Variants in TOMM20L observed in about 807,000 individuals in gnomAD.
The protein encoded by TOMM20L is translocase of outer mitochondrial membrane 20 like.
In TOMM20L, 19 loss-of-function variants were observed where a neutral mutation model predicts 20.4. That is an observed-to-expected ratio of 0.93 (90% CI 0.65 to 1.36). The LOEUF (loss-of-function observed/expected upper bound fraction) is 1.36, where lower values mean the gene tolerates loss of function less well. Ranked by LOEUF, TOMM20L falls within the 40% of genes most tolerant of loss-of-function variation. The probability of loss-of-function intolerance (pLI) is 0.00; values close to 1 mark genes in which losing one functional copy is unlikely to be tolerated. For missense variants in TOMM20L, 218 were observed against 203.7 expected (o/e 1.07, Z -0.43); for synonymous variants, 75 against 79.6 (o/e 0.94, Z 0.30).
intron 1 of TOMM20L, 90 bp from the exon 2 acceptor site, chr14:58,396,208 G>T: frequency 1.3e-6 from 2 of 1,564,656 alleles, no homozygotes; most frequent in South Asian, 1.2e-5. Flanking sequence ...CTGCCGAGGG[G>T]CCCGCGGCGC....
intron 3 of TOMM20L, among the ~76,000 whole-genome samples, chr14:58,405,721 G>A (rs2036049019): frequency 6.6e-6 from 1 of 152,048 alleles, no homozygotes; most frequent in Non-Finnish European, 1.5e-5. Context: ...TGGCCAGGCT[G>A]GTCTCGAACT....
At chr14:58,404,099 G>GTGTGTATGTATATATATATATATATA (rs1408980666) in intron 3 of TOMM20L, among the ~76,000 whole-genome samples, 2 of 22,928 alleles carry the variant, frequency 8.7e-5, no homozygotes, top group Non-Finnish European at 1.7e-4. Flanking sequence ...ACATATATAT[G>GTGTGTATGTATATATATATATATATA]TATATATATA....
chr14:58,414,747 A>AG, the TOMM20L span, among the ~76,000 whole-genome samples: 1 of 151,314 alleles, frequency 6.6e-6, no homozygotes, highest in Non-Finnish European at 1.5e-5. Context: ...AAAAAAAAAA[A>AG]AAAAGAAAAA....
the TOMM20L span, among the ~76,000 whole-genome samples, chr14:58,414,875 C>A: frequency 6.6e-6 from 1 of 152,136 alleles, no homozygotes; most frequent in Non-Finnish European, 1.5e-5. Flanking sequence ...CACAGGGAGC[C>A]TGGCTTTCCA....
downstream of TOMM20L, chr14:58,408,784 A>G (rs1412413193): frequency 2.9e-6 from 2 of 687,386 alleles, no homozygotes; most frequent in Non-Finnish European, 4.7e-6. Flanking sequence ...CAAGTGACCA[A>G]GCTGCTGAAT....
At chr14:58,408,376 C>T (rs1163905715) in intron 4 of TOMM20L, 153 bp from the exon 5 acceptor site, 8 of 625,158 alleles carry the variant, frequency 1.3e-5, no homozygotes, top group East Asian at 2.9e-5. Context: ...GAGATTGTGC[C>T]GTTGCACTCC....
chr14:58,411,086 G>T, downstream of TOMM20L: 2 of 594,584 alleles, frequency 3.4e-6, no homozygotes, highest in Non-Finnish European at 5.9e-6. Context: ...GGTACAGTAT[G>T]ATCTACAGAA....
At chr14:58,402,350 G>A (rs2036002759) in intron 2 of TOMM20L, among the ~76,000 whole-genome samples, 2 of 151,594 alleles carry the variant, frequency 1.3e-5, no homozygotes, top group South Asian at 4.2e-4. Flanking sequence ...GTGCAATGGT[G>A]TGATCTTGGC....
intron 2 of TOMM20L, 47 bp downstream of exon 2, chr14:58,396,388 G>T (rs1224259476): frequency 6.2e-7 from 1 of 1,606,808 alleles, no homozygotes; most frequent in Non-Finnish European, 8.5e-7. Context: ...ACGCAGGTCC[G>T]GGCTCGCTGG....
rs1325681792 is a variant in TOMM20L at position 58,404,135 on chromosome 14, TTTTTTTTTTTTG to T, written c.262+1375_262+1386del. 3.1e-4 allele frequency among the ~76,000 whole-genome samples: 2 copies of T among 6,418 alleles called. 1 individual carries two copies. Among genetic ancestry groups the T allele is most frequent in the Non-Finnish European group, 1.2e-3 (2 of 1,716 alleles). 4.2% of individuals were successfully genotyped at this position (6,418 alleles called of 152,430 possible). ...TATATATATATTTTTTTTTTTTTTTTTTTTTTTTTTTGGAGACGGAGTCTCGCTCTGTCGCCC... is the reference window on the plus strand; with the variant it reads ...TATATATATATTTTTTTTTTTTTTTTGAGACGGAGTCTCGCTCTGTCGCCC... On this transcript the variant is annotated intron_variant, in intron 3 of 4. Transcript: ENST00000360945.
At chr14:58,410,032 AT>A (rs1348472834), downstream of TOMM20L, among the ~76,000 whole-genome samples, 4 of 151,490 alleles carry the variant, frequency 2.6e-5, no homozygotes, top group Non-Finnish European at 5.9e-5. Flanking sequence ...CGCCTGGCTA[AT>A]TTTTCATTTT....
At chr14:58,403,992 C>G (rs1309448578) in intron 3 of TOMM20L, among the ~76,000 whole-genome samples, 1 of 141,514 alleles carries the variant, frequency 7.1e-6, no homozygotes, top group African/African-American at 2.6e-5. Flanking sequence ...GGTGTTAAAC[C>G]CTGGAAAGGA....
chr14:58,407,487 A>T lies in TOMM20L; in HGVS notation c.405+19A>T. The T allele has an allele frequency of 1.2e-6, 2 of 1,605,216 alleles. No homozygotes were observed. Among genetic ancestry groups the T allele is most frequent in the Non-Finnish European group, 1.7e-6 (2 of 1,176,482 alleles). On this transcript the variant is annotated intron_variant, in intron 4 of 4. Coordinates refer to ENST00000360945, the MANE Select transcript of TOMM20L (RefSeq NM_207377.3). ...TTGCCAGGTGAGCACATATTTAATT[A>T]TCTTTGTGAAATGTACACAGTAAAT...
At chr14:58,406,954 A>AT (rs1327335106) in intron 3 of TOMM20L, among the ~76,000 whole-genome samples, 1 of 152,164 alleles carries the variant, frequency 6.6e-6, no homozygotes. Flanking sequence ...CATCTATAAT[A>AT]TTTTTTCAAT....
At chr14:58,401,452 C>T (rs1395169534) in intron 2 of TOMM20L, among the ~76,000 whole-genome samples, 3 of 151,850 alleles carry the variant, frequency 2.0e-5, no homozygotes, top group African/African-American at 4.8e-5. Flanking sequence ...CACCTATAGC[C>T]CCAGCTACTC....
downstream of TOMM20L, among the ~76,000 whole-genome samples, chr14:58,412,932 A>G (rs185906222): frequency 1.2e-3 from 182 of 152,202 alleles, 1 homozygote; most frequent in African/African-American, 4.3e-3. Flanking sequence ...TAATAAAAAG[A>G]AAAATAAAGG....
chr14:58,409,945 G>T (rs2036160201), downstream of TOMM20L, among the ~76,000 whole-genome samples: 1 of 151,702 alleles, frequency 6.6e-6, no homozygotes, highest in African/African-American at 2.4e-5. Context: ...GCCTCACTGT[G>T]GCCTCAACCT....
downstream of TOMM20L, among the ~76,000 whole-genome samples, chr14:58,411,225 A>AT (rs1010179329): frequency 6.6e-6 from 1 of 152,140 alleles, no homozygotes; most frequent in Admixed American, 6.6e-5. Flanking sequence ...AGGTGGGCGG[A>AT]TTACCTGAGG....
chr14:58,405,421 A>G (rs2036045880), intron 3 of TOMM20L, among the ~76,000 whole-genome samples: 1 of 152,274 alleles, frequency 6.6e-6, no homozygotes, highest in Admixed American at 6.5e-5. Context: ...TGTATGCTTA[A>G]GAGCTATGAT....
Sources: gnomAD v4.1 joint callset for allele counts (sites outside exome capture counted in the v4.1 genomes callset) on GRCh38, gnomAD v4.1.1 for gene constraint, MANE v1.5 for transcripts, NCBI Gene and HGNC (gene_info 2026-07-23, HGNC 2026-07-21) for gene names.